Variants in NCOR1 observed in about 807,000 individuals in gnomAD.
NCOR1 encodes the protein protein phosphatase 1, regulatory subunit 109.
A neutral mutation model predicts 288.1 loss-of-function variants in NCOR1; 63 were observed. The ratio of observed to expected loss-of-function variants is 0.22; its 90% CI spans 0.18 to 0.27. NCOR1 has a LOEUF of 0.27. Ranked by LOEUF, NCOR1 falls within the 10% of genes least tolerant of loss-of-function variation. The probability of loss-of-function intolerance (pLI) is 1.00; values close to 1 mark genes in which losing one functional copy is unlikely to be tolerated. For missense variants in NCOR1, 2,397 were observed against 3,019.2 expected (o/e 0.79, Z 4.83); for synonymous variants, 1,007 against 1,065.9 (o/e 0.94, Z 1.08).
chr17:16,087,697 C>T (rs1031450372), intron 22 of NCOR1, among the ~76,000 whole-genome samples: 6 of 152,210 alleles, frequency 3.9e-5, no homozygotes, highest in East Asian at 1.9e-4. Flanking sequence ...ATTAGCTTTG[C>T]GAGGATTTCA....
intron 35 of NCOR1, 100 bp from the exon 36 acceptor site, chr17:16,062,370 A>T (rs1039851522): frequency 6.8e-6 from 8 of 1,172,710 alleles, no homozygotes; most frequent in Middle Eastern, 2.6e-4. Flanking sequence ...ACATACCTAA[A>T]TAGAAAAAAG....
intron 34 of NCOR1, 23 bp from the exon 35 acceptor site, chr17:16,064,210 T>C: frequency 1.9e-6 from 3 of 1,600,570 alleles, no homozygotes; most frequent in Non-Finnish European, 2.6e-6. Flanking sequence ...AACCTGCAGC[T>C]TAAAGATAAA....
intron 7 of NCOR1, among the ~76,000 whole-genome samples, chr17:16,153,040 G>T (rs937441911): frequency 1.3e-5 from 2 of 151,872 alleles, no homozygotes; most frequent in Non-Finnish European, 2.9e-5. Flanking sequence ...ATTAACCATT[G>T]TCACTATTTT....
intron 37 of NCOR1, 55 bp from the exon 38 acceptor site, chr17:16,058,654 T>C: frequency 6.6e-7 from 1 of 1,520,300 alleles, no homozygotes; most frequent in Non-Finnish European, 9.0e-7. Context: ...GTTTCTGAAG[T>C]CTAAGTTCTT....
Position 16,101,266 on chromosome 17 carries a change from C to G in NCOR1, c.2674G>C (p.Glu892Gln). ...TCSADEDVDG[E>Q]PERQRMFPMD... is the part of the protein sequence containing the mutation. ...GAGCCTCACCTCTGCCTCTCTGGCT[C>G]TCCATCCACATCCTCATCAGCGCTG... The change falls in exon 20 of 46, where the codon GAG (glutamate) becomes CAG (glutamine). Residue 892 changes from glutamate to glutamine, a missense_variant. Physicochemically the swap from Glu to Gln is conservative, Grantham distance 29 (BLOSUM62 2). Around this residue, in one of 11 missense-constraint regions of NCOR1, gnomAD observed 1,872 missense variants for 2,187.8 expected, o/e 0.86. Coordinates refer to ENST00000268712, the MANE Select transcript of NCOR1 (RefSeq NM_006311.4). The G allele has an allele frequency of 1.3e-6, 2 of 1,597,638 alleles. No homozygotes were observed. The highest frequency in any genetic ancestry group is 1.7e-6 in the Non-Finnish European group (2 of 1,171,992).
At chr17:16,184,942 A>T (rs1363166860) in intron 3 of NCOR1, among the ~76,000 whole-genome samples, 2 of 147,370 alleles carry the variant, frequency 1.4e-5, no homozygotes, top group Non-Finnish European at 1.5e-5. Flanking sequence ...ACATTATGCT[A>T]TGTGAAATAA....
intron 44 of NCOR1, among the ~76,000 whole-genome samples, chr17:16,038,629 G>T (rs1370438258): frequency 6.6e-6 from 1 of 151,942 alleles, no homozygotes; most frequent in Non-Finnish European, 1.5e-5. Context: ...TAGAGACGGG[G>T]TTTTCATCAT....
chr17:16,061,941 C>A, intron 36 of NCOR1, 47 bp from the exon 37 acceptor site: 1 of 1,569,488 alleles, frequency 6.4e-7, no homozygotes, highest in Non-Finnish European at 8.6e-7. Flanking sequence ...AGACCATTTG[C>A]TGGGAATGTG....
At chr17:16,114,221 T>C (rs1330273228) in intron 18 of NCOR1, among the ~76,000 whole-genome samples, 2 of 149,408 alleles carry the variant, frequency 1.3e-5, no homozygotes, top group Non-Finnish European at 3.0e-5. Flanking sequence ...CTAAGACTTA[T>C]TCACTATCAC....
chr17:16,077,691 C>T (rs749839613), intron 26 of NCOR1, among the ~76,000 whole-genome samples: 4 of 151,786 alleles, frequency 2.6e-5, no homozygotes, highest in Non-Finnish European at 5.9e-5. Context: ...TGTTGAATCT[C>T]GAAGCATGTA....
At chr17:16,087,724 C>T in intron 22 of NCOR1, among the ~76,000 whole-genome samples, 1 of 152,160 alleles carries the variant, frequency 6.6e-6, no homozygotes, top group Admixed American at 6.5e-5. Flanking sequence ...TTATAATTAG[C>T]CTGTTGAAGC....
intron 5 of NCOR1, among the ~76,000 whole-genome samples, chr17:16,161,186 G>A (rs2080769706): frequency 6.7e-6 from 1 of 149,722 alleles, no homozygotes; most frequent in Non-Finnish European, 1.5e-5. Context: ...AATAGCCCTG[G>A]GACAAAACCA....
At chr17:16,128,855 C>T (rs1333615854) in intron 14 of NCOR1, among the ~76,000 whole-genome samples, 3 of 152,156 alleles carry the variant, frequency 2.0e-5, no homozygotes, top group Non-Finnish European at 4.4e-5. Context: ...CACATTATGC[C>T]TCCTTCTAAT....
At chr17:16,209,959 AT>A (rs1462537606) in intron 1 of NCOR1, among the ~76,000 whole-genome samples, 5 of 152,226 alleles carry the variant, frequency 3.3e-5, no homozygotes, top group East Asian at 1.9e-4. Context: ...AAAAAAAAAA[AT>A]GTTCATGTTT....
chr17:16,108,695 C>T (rs2069325715), intron 19 of NCOR1, 91 bp downstream of exon 19: 1 of 1,112,034 alleles, frequency 9.0e-7, no homozygotes, highest in Non-Finnish European at 1.2e-6. Context: ...ACACTGTTTC[C>T]TCAATGAAGC....
intron 21 of NCOR1, among the ~76,000 whole-genome samples, chr17:16,098,129 T>A (rs2066969656): frequency 6.6e-6 from 1 of 152,208 alleles, no homozygotes; most frequent in African/African-American, 2.4e-5. Flanking sequence ...GTTGTTTAAT[T>A]AATTTCGCAT....
chr17:16,117,323 T>C (rs2071840423), intron 18 of NCOR1, among the ~76,000 whole-genome samples: 2 of 152,098 alleles, frequency 1.3e-5, no homozygotes, highest in African/African-American at 2.4e-5. Context: ...GGAGGAAAGA[T>C]AAGCTGGGGC....
chr17:16,202,501 A>G (rs2090967747), intron 1 of NCOR1, among the ~76,000 whole-genome samples: 1 of 152,176 alleles, frequency 6.6e-6, no homozygotes, highest in South Asian at 2.1e-4. Context: ...AGAAATTGAG[A>G]TAAGAACAAT....
intron 15 of NCOR1, among the ~76,000 whole-genome samples, chr17:16,121,669 T>C (rs2073050563): frequency 6.6e-6 from 1 of 152,204 alleles, no homozygotes; most frequent in Non-Finnish European, 1.5e-5. Flanking sequence ...ATGTATGAAA[T>C]GAAGAAGCTA....
Sources: gnomAD v4.1 joint callset for allele counts (sites outside exome capture counted in the v4.1 genomes callset) on GRCh38, gnomAD v4.1.1 for gene constraint, gnomAD v4.1.1 regional missense constraint, MANE v1.5 for transcripts, NCBI Gene and HGNC (gene_info 2026-07-23, HGNC 2026-07-21) for gene names.